The following STK32B variants were observed in gnomAD, a reference collection of about 807,000 sequenced individuals.
The protein encoded by STK32B is serine/threonine-protein kinase 32B.
Under a neutral mutation model 52.6 loss-of-function variants are expected in STK32B, and 43 were observed. The ratio of observed to expected loss-of-function variants is 0.82; its 90% CI spans 0.64 to 1.05. The LOEUF is 1.05. STK32B is among the 50% of genes least tolerant of loss of function. The pLI, the probability that STK32B is intolerant of heterozygous loss-of-function variation, is 0.00. For missense variants in STK32B, 621 were observed against 534.6 expected, an observed-to-expected ratio of 1.16 and a Z score of -1.59; for synonymous variants, 238 against 204.3, an observed-to-expected ratio of 1.17 and a Z score of -1.41.
At chr4:5,284,456 C>T (rs983423233) in intron 3 of STK32B, among the ~76,000 whole-genome samples, 1 of 151,954 alleles carries the variant, frequency 6.6e-6, no homozygotes, top group Non-Finnish European at 1.5e-5. Flanking sequence ...TAAAACTACT[C>T]AAGGGTTCGT....
rs898293427 is a variant in STK32B, at chr4:5,201,096, A to G, written c.260+32646A>G. Among the ~76,000 whole-genome samples, 3 of 152,234 alleles carry G rather than the reference A, an allele frequency of 2.0e-5. No homozygotes were observed. In the South Asian group the frequency reaches 6.2e-4, roughly 31 times the overall value. ...CTCAGTAGTAAAACATGGCTCAGCAATGGAAAGTCAGGCTCTGATCAGTTG... is the reference window on the plus strand; with the variant it reads ...CTCAGTAGTAAAACATGGCTCAGCAGTGGAAAGTCAGGCTCTGATCAGTTG... On this transcript the variant is annotated intron_variant, in intron 3 of 11. Transcript: ENST00000282908.
At chr4:5,249,801 A>T (rs1725784267) in intron 3 of STK32B, among the ~76,000 whole-genome samples, 1 of 151,992 alleles carries the variant, frequency 6.6e-6, no homozygotes, top group Non-Finnish European at 1.5e-5. Context: ...TATACATGCA[A>T]GTTTGTTATA....
chr4:5,360,606 G>A (rs1734482592), intron 4 of STK32B, among the ~76,000 whole-genome samples: 1 of 152,144 alleles, frequency 6.6e-6, no homozygotes, highest in Non-Finnish European at 1.5e-5. Context: ...TTTTATAGCT[G>A]GGAGAGAATG....
chr4:5,156,132 A>G (rs1467960338), intron 2 of STK32B, among the ~76,000 whole-genome samples: 3 of 151,746 alleles, frequency 2.0e-5, no homozygotes, highest in Non-Finnish European at 4.4e-5. Flanking sequence ...ATACACATAT[A>G]CATATACACA....
At chr4:5,142,593 T>C (rs1025104926) in intron 2 of STK32B, among the ~76,000 whole-genome samples, 1 of 152,208 alleles carries the variant, frequency 6.6e-6, no homozygotes, top group Non-Finnish European at 1.5e-5. Flanking sequence ...TAACAGACAT[T>C]CACTGGGCCA....
intron 1 of STK32B, among the ~76,000 whole-genome samples, chr4:5,097,788 T>A (rs1187256690): frequency 6.6e-6 from 1 of 152,236 alleles, no homozygotes; most frequent in Non-Finnish European, 1.5e-5. Context: ...GAGGGCAGTG[T>A]ATCAGTTAGC....
At chr4:5,478,376 A>G (rs923395615) in intron 11 of STK32B, among the ~76,000 whole-genome samples, 1 of 152,140 alleles carries the variant, frequency 6.6e-6, no homozygotes, top group Non-Finnish European at 1.5e-5. Flanking sequence ...CATTTTCTGC[A>G]TTTAGCACCC....
At chr4:5,404,493 T>C (rs1244150851) in intron 5 of STK32B, among the ~76,000 whole-genome samples, 3 of 152,166 alleles carry the variant, frequency 2.0e-5, no homozygotes, top group Non-Finnish European at 4.4e-5. Flanking sequence ...TGTTATACAT[T>C]TGCATACAAA....
At chr4:5,290,104 C>T (rs1162237277) in intron 3 of STK32B, among the ~76,000 whole-genome samples, 1 of 152,106 alleles carries the variant, frequency 6.6e-6, no homozygotes, top group East Asian at 1.9e-4. Flanking sequence ...CAAGTGAGAA[C>T]ATGCAGTATA....
chr4:5,317,513 A>T (rs1180822558), intron 3 of STK32B, among the ~76,000 whole-genome samples: 1 of 85,308 alleles, frequency 1.2e-5, no homozygotes, highest in Non-Finnish European at 2.0e-5. Flanking sequence ...TATATGTATA[A>T]TATATTTATT....
the STK32B span, among the ~76,000 whole-genome samples, chr4:5,029,875 G>C: frequency 5.3e-5 from 8 of 152,236 alleles, no homozygotes; most frequent in Non-Finnish European, 4.4e-5. Flanking sequence ...TCAAGGAAGA[G>C]ACCAGGTGGA....
intron 1 of STK32B, among the ~76,000 whole-genome samples, chr4:5,122,426 TA>T (rs1286541536): frequency 2.0e-5 from 3 of 152,098 alleles, no homozygotes; most frequent in African/African-American, 7.2e-5. Flanking sequence ...ATTCACTCAT[TA>T]ACCTACTTCA....
intron 11 of STK32B, among the ~76,000 whole-genome samples, chr4:5,486,254 C>T (rs941836649): frequency 1.3e-5 from 2 of 152,204 alleles, no homozygotes; most frequent in Non-Finnish European, 2.9e-5. Context: ...GCTTCCCAGC[C>T]TCTTTGTTTA....
chr4:5,396,957 A>T lies in STK32B; in HGVS notation c.435-1250A>T, dbSNP rs1294460850. ...CTTTGTTCACAGTGGAGGCTTTGTGACCTCGGCAGCAGGGGCCCACGTACT... is the reference window on the plus strand; with the variant it reads ...CTTTGTTCACAGTGGAGGCTTTGTGTCCTCGGCAGCAGGGGCCCACGTACT... On this transcript the variant is annotated intron_variant, in intron 4 of 11. Transcript: ENST00000282908. The surrounding 1 kb of genome is among the most constrained non-coding windows in gnomAD (Gnocchi z 4.7). Among the ~76,000 whole-genome samples the T allele has an allele frequency of 4.6e-5, 7 of 152,094 alleles. No homozygotes were observed. In the East Asian group the frequency reaches 1.2e-3, roughly 25 times the overall value.
chr4:5,168,487 C>T (rs3749567), intron 3 of STK32B, 37 bp downstream of exon 3: 410,013 of 1,578,750 alleles, frequency 0.26, 53,902 homozygotes, highest in East Asian at 0.33. Flanking sequence ...TGTGGGTTCC[C>T]CTGTGGGGAG....
At chr4:5,181,429 C>A (rs1720355369) in intron 3 of STK32B, among the ~76,000 whole-genome samples, 1 of 151,402 alleles carries the variant, frequency 6.6e-6, no homozygotes, top group Admixed American at 6.6e-5. Flanking sequence ...GTTCAGATAT[C>A]CAGCTTTTAG....
intron 1 of STK32B, among the ~76,000 whole-genome samples, chr4:5,122,249 C>T (rs748689200): frequency 2.0e-5 from 3 of 152,074 alleles, no homozygotes; most frequent in Non-Finnish European, 4.4e-5. Context: ...CTCACATTTA[C>T]TCATTTACTC....
chr4:5,100,673 TTTCCTTTCTTACTTTCTTTCTTTCC>T (rs1312221606), intron 1 of STK32B, among the ~76,000 whole-genome samples: 1 of 47,560 alleles, frequency 2.1e-5, no homozygotes, highest in African/African-American at 7.8e-5. Context: ...TCTTTCTTTC[TTTCCTTTCTTACTTTCTTTCTTTCC>T]TTCCTTCCTT....
chr4:5,078,895 G>A (rs1449674726), intron 1 of STK32B, among the ~76,000 whole-genome samples: 1 of 152,172 alleles, frequency 6.6e-6, no homozygotes, highest in African/African-American at 2.4e-5. Flanking sequence ...ACCGGTTTTA[G>A]TGTATTTCAG....
Sources: gnomAD v4.1 joint callset for allele counts (sites outside exome capture counted in the v4.1 genomes callset) on GRCh38, gnomAD v4.1.1 for gene constraint, Gnocchi (gnomAD v3.1) non-coding constraint, MANE v1.5 for transcripts, NCBI Gene and HGNC (gene_info 2026-07-23, HGNC 2026-07-21) for gene names.